The following FER variants were observed in gnomAD, a reference collection of about 807,000 sequenced individuals.
FER encodes tyrosine-protein kinase Fer.
FER carries 63 observed loss-of-function variants against 111.0 expected under a neutral mutation model. The observed-to-expected ratio is 0.57, with a 90% CI of 0.46 to 0.70. The LOEUF (loss-of-function observed/expected upper bound fraction) is 0.70, where lower values mean the gene tolerates loss of function less well. FER is among the 30% of genes least tolerant of loss of function. The pLI is 0.00. For missense variants in FER, 914 were observed against 954.0 expected (o/e 0.96, Z 0.55); for synonymous variants, 327 against 313.9 (o/e 1.04, Z -0.44).
intron 17 of FER, among the ~76,000 whole-genome samples, chr5:109,171,471 G>A (rs1757088004): frequency 6.6e-6 from 1 of 152,120 alleles, no homozygotes; most frequent in Non-Finnish European, 1.5e-5. Context: ...AAAGAGCATG[G>A]GTTATATGAA....
intron 13 of FER, among the ~76,000 whole-genome samples, chr5:108,992,744 G>C (rs929378675): frequency 6.6e-6 from 1 of 151,878 alleles, no homozygotes; most frequent in Admixed American, 6.6e-5. Context: ...TTCCCAGACG[G>C]GGTGGCTGCC....
chr5:109,092,664 G>A (rs745376072), intron 16 of FER, among the ~76,000 whole-genome samples: 2 of 152,074 alleles, frequency 1.3e-5, no homozygotes, highest in African/African-American at 4.8e-5. Context: ...CGTTATAATC[G>A]TGAAAAAGTA....
At chr5:108,887,451 C>G (rs1159627790) in intron 9 of FER, among the ~76,000 whole-genome samples, 2 of 151,144 alleles carry the variant, frequency 1.3e-5, no homozygotes, top group Non-Finnish European at 3.0e-5. Flanking sequence ...GACACATTAG[C>G]AAAAACAGAG....
rs534335671 is a variant in FER, at chr5:109,124,600, T to G, written c.2048+24081T>G. Among the ~76,000 whole-genome samples the G allele has an allele frequency of 8.1e-4, 122 of 151,378 alleles. 3 individuals carry two copies. In the South Asian group the frequency reaches 0.025, roughly 31 times the overall value. ...TTTTTTAATAGTTTTGTTGTTGTTG[T>G]TGTTGTTGTTGTTGTTGTTGTTTTG... On this transcript the variant is annotated intron_variant, in intron 17 of 19. Transcript: ENST00000281092.
Position 109,193,414 on chromosome 5 carries a change from A to C in FER, c.*5839A>C, listed in dbSNP as rs1209988758. On this transcript the variant is annotated 3_prime_UTR_variant, in exon 20 of 20. Coordinates refer to ENST00000281092, the MANE Select transcript of FER (RefSeq NM_005246.4). ...AGACAGATTTAGCTTCCCACTTGTC[A>C]GCAAATTTGTAAAAACCTCAAAACA... The C allele has an allele frequency of 1.3e-5, 2 of 152,198 alleles. No homozygotes were observed. Among genetic ancestry groups the C allele is most frequent in the Non-Finnish European group, 2.9e-5 (2 of 68,032 alleles). 9.4% of individuals were successfully genotyped at this position (152,198 alleles called of 1,614,324 possible).
At chr5:109,016,378 G>A (rs1211996669) in intron 13 of FER, among the ~76,000 whole-genome samples, 1 of 151,984 alleles carries the variant, frequency 6.6e-6, no homozygotes, top group African/African-American at 2.4e-5. Flanking sequence ...AAACTTCACT[G>A]TGTATCAGCC....
At chr5:109,059,149 A>C (rs1321813050) in intron 16 of FER, among the ~76,000 whole-genome samples, 3 of 152,026 alleles carry the variant, frequency 2.0e-5, no homozygotes, top group Admixed American at 6.5e-5. Context: ...TTTTGTTCTC[A>C]TCAAAGAGCA....
chr5:109,109,692 T>G (rs1018814740), intron 17 of FER, among the ~76,000 whole-genome samples: 1 of 152,086 alleles, frequency 6.6e-6, no homozygotes, highest in African/African-American at 2.4e-5. Context: ...CCATACCATT[T>G]TAAGATTAGA....
intron 5 of FER, among the ~76,000 whole-genome samples, chr5:108,864,166 T>C (rs1763802078): frequency 6.6e-6 from 1 of 152,228 alleles, no homozygotes. Flanking sequence ...GGGTACAGAA[T>C]TAAACTCTTT....
intron 13 of FER, among the ~76,000 whole-genome samples, chr5:108,995,077 C>T (rs1017223158): frequency 1.3e-5 from 2 of 152,122 alleles, no homozygotes; most frequent in Non-Finnish European, 2.9e-5. Flanking sequence ...TTGACTTCCT[C>T]TCTTCCTATT....
intron 2 of FER, among the ~76,000 whole-genome samples, chr5:108,787,656 G>C (rs1754892638): frequency 6.6e-6 from 1 of 152,190 alleles, no homozygotes; most frequent in Non-Finnish European, 1.5e-5. Flanking sequence ...GGCTCAGCCA[G>C]ACACACATTA....
chr5:109,007,307 A>G (rs1484294797), intron 13 of FER, among the ~76,000 whole-genome samples: 1 of 152,202 alleles, frequency 6.6e-6, no homozygotes, highest in East Asian at 1.9e-4. Flanking sequence ...TGTTTTAGTC[A>G]GACTTATTAA....
intron 16 of FER, among the ~76,000 whole-genome samples, chr5:109,078,026 G>A (rs1043648813): frequency 2.0e-5 from 3 of 152,080 alleles, no homozygotes; most frequent in African/African-American, 7.2e-5. Flanking sequence ...ATATCAAGTA[G>A]TACTAGTGTC....
rs374236036 is a variant in FER, at chr5:108,791,538, T to C, written c.-59-6586T>C. Among the ~76,000 whole-genome samples, 89 of 147,246 alleles carry C rather than the reference T, an allele frequency of 6.0e-4. 1 individual carries two copies. The South Asian group carries it at 0.01, about 17-fold the overall frequency. On this transcript the variant is annotated intron_variant, in intron 2 of 19. Coordinates refer to ENST00000281092, the MANE Select transcript of FER (RefSeq NM_005246.4). ...CTCCATCCAGAAGTTCCTTATCATA[T>C]ATATATACACACACATATGTGTATA...
At chr5:108,796,076 C>A (rs1755984655) in intron 2 of FER, among the ~76,000 whole-genome samples, 1 of 152,174 alleles carries the variant, frequency 6.6e-6, no homozygotes, top group Non-Finnish European at 1.5e-5. Flanking sequence ...TAAGCTGTAT[C>A]TGTATTAGGG....
intron 9 of FER, among the ~76,000 whole-genome samples, chr5:108,896,833 A>G (rs1293565901): frequency 6.6e-6 from 1 of 152,172 alleles, no homozygotes; most frequent in Non-Finnish European, 1.5e-5. Flanking sequence ...CTAATTTATA[A>G]TCTATTGTCT....
chr5:108,838,227 A>G (rs1325177961), intron 5 of FER, among the ~76,000 whole-genome samples: 1 of 152,144 alleles, frequency 6.6e-6, no homozygotes, highest in Admixed American at 6.5e-5. Context: ...TCCAACATAT[A>G]TAGGCTTTAT....
chr5:108,993,894 T>C (rs1763661127), intron 13 of FER, among the ~76,000 whole-genome samples: 1 of 152,218 alleles, frequency 6.6e-6, no homozygotes, highest in African/African-American at 2.4e-5. Flanking sequence ...TTGAGCTTTT[T>C]TTTCATGTTT....
intron 16 of FER, chr5:109,051,993 G>T: frequency 6.3e-7 from 1 of 1,585,350 alleles, no homozygotes; most frequent in Non-Finnish European, 8.7e-7. Context: ...TACTGATGAT[G>T]TAGGTTCGCA....
Sources: allele counts gnomAD v4.1 joint callset (sites outside exome capture counted in the v4.1 genomes callset), GRCh38; gene constraint gnomAD v4.1.1; transcripts MANE v1.5; gene names NCBI Gene and HGNC (gene_info 2026-07-23, HGNC 2026-07-21).